SNHG17: variants seen among roughly 807,000 people sequenced by gnomAD.
SNHG17 encodes the protein small nucleolar RNA host gene 17.
At chr20:38,429,074 CG>C (rs2084295200) in intron 3 of SNHG17, 1 of 152,456 alleles carries the variant, frequency 6.6e-6, no homozygotes, top group South Asian at 2.1e-4. Context: ...CTCCCTTTCT[CG>C]TTTTTCTTTC....
chr20:38,428,144 C>A (rs983531144), intron 3 of SNHG17: 1 of 152,210 alleles, frequency 6.6e-6, no homozygotes, highest in African/African-American at 2.4e-5. Context: ...CCATTGATTA[C>A]AACTGGAAAG....
At chr20:38,421,248 A>C (rs1211546558) in intron 6 of SNHG17, 1 of 152,214 alleles carries the variant, frequency 6.6e-6, no homozygotes, top group African/African-American at 2.4e-5. Flanking sequence ...AAGGACATGA[A>C]AGGACAAACA....
chr20:38,434,862 G>A, intron 1 of SNHG17: 1 of 985,468 alleles, frequency 1.0e-6, no homozygotes, highest in Non-Finnish European at 1.2e-6. Flanking sequence ...AGTGGCTTTG[G>A]AGGCTTCCAA....
At chr20:38,429,287 T>C (rs2084299108) in intron 3 of SNHG17, 2 of 154,952 alleles carry the variant, frequency 1.3e-5, no homozygotes, top group Non-Finnish European at 1.4e-5. Context: ...GTTTTTCCTT[T>C]GTCCCACACT....
chr20:38,429,851 T>G (rs1250976313), intron 3 of SNHG17: 1 of 510,030 alleles, frequency 2.0e-6, no homozygotes, highest in African/African-American at 1.9e-5. Context: ...ATGCTGGCAT[T>G]CCGGGCAATG....
chr20:38,424,059 C>G (rs1600753842), intron 5 of SNHG17, among the ~76,000 whole-genome samples: 2 of 151,840 alleles, frequency 1.3e-5, no homozygotes, highest in South Asian at 2.1e-4. Context: ...TTAATCCCAG[C>G]TACTCGGAGG....
In SNHG17 at chr20:38,427,051, C is replaced by A. The variant is rs558010397; in HGVS notation, n.381-548G>T. ...ACACACACGGGGTCAGCCCTGCTCA[C>A]CCCAACCTCAAAGTCTCCCTCATGT... On this transcript the variant is annotated intron_variant and non_coding_transcript_variant, in intron 3 of 8. Coordinates refer to ENST00000654008, the Ensembl canonical transcript of SNHG17. Among the ~76,000 whole-genome samples, 7 of 149,428 alleles carry A rather than the reference C, an allele frequency of 4.7e-5. No homozygotes were observed. The South Asian group carries it at 1.3e-3, about 28-fold the overall frequency.
chr20:38,424,213 G>A (rs1026852802), intron 5 of SNHG17, among the ~76,000 whole-genome samples: 17 of 151,798 alleles, frequency 1.1e-4, no homozygotes, highest in African/African-American at 3.6e-4. Flanking sequence ...GGATGCCAAG[G>A]CAAGAAGGCT....
At position 38,424,847 on chromosome 20, in the gene SNHG17, T is replaced by G. The variant is rs574921631; in HGVS notation, n.579+1088A>C. On this transcript the variant is annotated intron_variant and non_coding_transcript_variant, in intron 5 of 8. Coordinates refer to ENST00000654008, the Ensembl canonical transcript of SNHG17. ...TTCACTGTCCTTTGACAGGAGCCTCTGAGTCCCATGCTAGGCACAAGGGAC... is the reference window on the plus strand; with the variant it reads ...TTCACTGTCCTTTGACAGGAGCCTCGGAGTCCCATGCTAGGCACAAGGGAC... 2.6e-5 allele frequency among the ~76,000 whole-genome samples: 4 copies of G among 152,306 alleles called. No individual in the cohort carries two copies. In the South Asian group the frequency reaches 8.3e-4, roughly 32 times the overall value.
At chr20:38,430,564 G>A (rs62203378) in intron 3 of SNHG17, among the ~76,000 whole-genome samples, 15 of 152,330 alleles carry the variant, frequency 9.8e-5, no homozygotes, top group Middle Eastern at 6.8e-3. Flanking sequence ...AGAGGTTGCA[G>A]TGAGCTGAGA....
At chr20:38,421,111 G>A (rs2084150249) in intron 6 of SNHG17, 1 of 152,216 alleles carries the variant, frequency 6.6e-6, no homozygotes, top group Non-Finnish European at 1.5e-5. Flanking sequence ...AAGAGGGTAA[G>A]AAAGCATACA....
At chr20:38,435,292 T>TGGCGA (rs2084413410) in exon 1 of SNHG17, 1 of 1,231,426 alleles carries the variant, frequency 8.1e-7, no homozygotes, top group East Asian at 3.2e-5. Flanking sequence ...TGCGGTGGCG[T>TGGCGA]GCGATGGCGA....
chr20:38,434,042 G>C (rs757910965), intron 2 of SNHG17: 1 of 513,914 alleles, frequency 1.9e-6, no homozygotes, highest in Non-Finnish European at 3.9e-6. Flanking sequence ...TTAGCTGCCA[G>C]ATCTCCAGAG....
chr20:38,423,304 G>A (rs1393667354), intron 5 of SNHG17, among the ~76,000 whole-genome samples: 3 of 150,166 alleles, frequency 2.0e-5, no homozygotes, highest in African/African-American at 7.3e-5. Context: ...AAATGAGGTG[G>A]GAGGGTCACT....
At chr20:38,429,949 C>T (rs540657005) in intron 3 of SNHG17, 2 of 383,506 alleles carry the variant, frequency 5.2e-6, no homozygotes, top group South Asian at 1.9e-5. Context: ...CCAGAGATCA[C>T]TTACCACTCC....
intron 2 of SNHG17, chr20:38,431,130 C>T (rs1272646195): frequency 6.6e-6 from 1 of 152,222 alleles, no homozygotes; most frequent in African/African-American, 2.4e-5. Context: ...GCACAAGAAG[C>T]CAAGATGTGA....
chr20:38,423,540 T>G (rs1202113384), intron 5 of SNHG17, among the ~76,000 whole-genome samples: 9 of 132,434 alleles, frequency 6.8e-5, no homozygotes, highest in African/African-American at 2.6e-4. Flanking sequence ...CTCACTTATG[T>G]GTGCAATGTT....
chr20:38,425,003 G>A, intron 5 of SNHG17: 1 of 314,342 alleles, frequency 3.2e-6, no homozygotes, highest in Non-Finnish European at 6.5e-6. Flanking sequence ...ACAAGTGGAT[G>A]AGGTGCCCCC....
chr20:38,422,676 A>G lies in SNHG17; in HGVS notation n.580-435T>C, dbSNP rs571402361. On this transcript the variant is annotated intron_variant and non_coding_transcript_variant, in intron 5 of 8. Transcript: ENST00000654008. ...GCACTCCAATATTCACTGCGGCATT[A>G]CTCCCAATCGCCAAGATACGGAAAC... Among the ~76,000 whole-genome samples, 9 of 152,270 alleles carry G rather than the reference A, an allele frequency of 5.9e-5. No homozygotes were observed. The South Asian group carries it at 1.5e-3, about 25-fold the overall frequency.
Sources: gnomAD v4.1 joint callset for allele counts (sites outside exome capture counted in the v4.1 genomes callset) on GRCh38, gnomAD v4.1.1 for gene constraint, MANE v1.5 for transcripts, NCBI Gene and HGNC (gene_info 2026-07-23, HGNC 2026-07-21) for gene names.